PTPRN2: variants seen among roughly 807,000 people sequenced by gnomAD.
PTPRN2 encodes protein tyrosine phosphatase receptor type N2, also known as receptor-type tyrosine-protein phosphatase N2.
Under a neutral mutation model 118.8 loss-of-function variants are expected in PTPRN2, and 74 were observed. The observed-to-expected ratio is 0.62, with a 90% confidence interval of 0.52 to 0.76. The LOEUF (loss-of-function observed/expected upper bound fraction) is 0.76, where lower values mean the gene tolerates loss of function less well. Ranked by LOEUF, PTPRN2 falls within the 30% of genes least tolerant of loss-of-function variation. The pLI, the probability that PTPRN2 is intolerant of heterozygous loss-of-function variation, is 0.00. For missense variants in PTPRN2, 1,481 were observed against 1,394.4 expected (o/e 1.06, Z -0.99); for synonymous variants, 641 against 608.0 (o/e 1.05, Z -0.80).
chr7:158,573,915 T>C (rs895681965), intron 1 of PTPRN2, among the ~76,000 whole-genome samples: 4 of 152,200 alleles, frequency 2.6e-5, no homozygotes, highest in Non-Finnish European at 4.4e-5. Context: ...AAGAGATTTA[T>C]GGATTAGGTG....
chr7:158,213,915 A>G (rs767492323), intron 3 of PTPRN2, among the ~76,000 whole-genome samples: 9 of 152,176 alleles, frequency 5.9e-5, no homozygotes, highest in African/African-American at 1.2e-4. Flanking sequence ...TAAAAATCAT[A>G]TAAGTCTGAG....
chr7:157,914,204 T>A (rs893203762), intron 11 of PTPRN2, among the ~76,000 whole-genome samples: 5 of 152,190 alleles, frequency 3.3e-5, no homozygotes, highest in Non-Finnish European at 7.3e-5. Context: ...TTTTGTAAGC[T>A]TTTTTTAAAA....
chr7:158,018,918 C>T (rs982738637), intron 11 of PTPRN2, among the ~76,000 whole-genome samples: 4 of 138,050 alleles, frequency 2.9e-5, no homozygotes, highest in South Asian at 2.2e-4. Flanking sequence ...CGAGATCATG[C>T]GACTGCACTC....
chr7:157,876,116 A>C (rs899927812), intron 12 of PTPRN2, among the ~76,000 whole-genome samples: 1 of 152,200 alleles, frequency 6.6e-6, no homozygotes, highest in African/African-American at 2.4e-5. Flanking sequence ...GACTCCTTGC[A>C]AACAATGCAG....
intron 14 of PTPRN2, 51 bp from the exon 15 acceptor site, chr7:157,621,560 C>A: frequency 6.3e-7 from 1 of 1,598,064 alleles, no homozygotes; most frequent in Non-Finnish European, 8.5e-7. Flanking sequence ...GAGCCCAGAC[C>A]GGCAGATGCA....
intron 12 of PTPRN2, among the ~76,000 whole-genome samples, chr7:157,882,520 T>C (rs573860580): frequency 1.4e-5 from 2 of 142,854 alleles, no homozygotes; most frequent in East Asian, 4.2e-4. Flanking sequence ...AAAATGACTG[T>C]CAAAGACCAG....
chr7:158,414,154 C>G (rs148949673), intron 2 of PTPRN2, among the ~76,000 whole-genome samples: 3 of 151,454 alleles, frequency 2.0e-5, no homozygotes, highest in East Asian at 1.9e-4. Context: ...AATCCTCTAC[C>G]AAGTGAGTAC....
At chr7:157,649,475 C>T (rs1441438671) in intron 14 of PTPRN2, among the ~76,000 whole-genome samples, 5 of 143,626 alleles carry the variant, frequency 3.5e-5, no homozygotes, top group South Asian at 2.2e-4. Context: ...GCACTGAACT[C>T]GGTGGGTCGG....
intron 9 of PTPRN2, among the ~76,000 whole-genome samples, chr7:158,120,283 C>T (rs1346088945): frequency 1.3e-5 from 2 of 152,094 alleles, no homozygotes; most frequent in Middle Eastern, 6.4e-3. Context: ...TGCACAATAG[C>T]ACAAATGTTA....
intron 6 of PTPRN2, among the ~76,000 whole-genome samples, chr7:158,140,099 T>G (rs1819234444): frequency 6.6e-6 from 1 of 152,174 alleles, no homozygotes; most frequent in Non-Finnish European, 1.5e-5. Context: ...TTTTCTCCTC[T>G]TACTTTATCT....
chr7:157,922,759 G>A lies in PTPRN2; in HGVS notation c.1724-24022C>T, dbSNP rs1487172925. 4.6e-5 allele frequency among the ~76,000 whole-genome samples: 7 copies of A among 152,284 alleles called. No homozygotes were observed. The East Asian group carries it at 7.7e-4, about 17-fold the overall frequency. ...CGATGTCACGGCACGCTGCGGCACC[G>A]CTGAAACCAGCCTGAGTTGGGAAAA... On this transcript the variant is annotated intron_variant, in intron 11 of 22. Transcript: ENST00000389418.
chr7:157,776,963 C>A (rs1454948798), intron 12 of PTPRN2, among the ~76,000 whole-genome samples: 1 of 142,096 alleles, frequency 7.0e-6, no homozygotes, highest in Non-Finnish European at 1.5e-5. Flanking sequence ...CCCTCTCCTC[C>A]TCCTCCATCT....
At chr7:158,567,507 C>T (rs546638386) in intron 1 of PTPRN2, among the ~76,000 whole-genome samples, 2 of 152,338 alleles carry the variant, frequency 1.3e-5, no homozygotes, top group South Asian at 2.1e-4. Flanking sequence ...TGCAGACCTC[C>T]GGCTCCCACT....
Position 157,874,870 on chromosome 7 carries a change from C to A in PTPRN2, c.1788+23803G>T, listed in dbSNP as rs1795635343. Among the ~76,000 whole-genome samples, 1 of 151,954 alleles carries A rather than the reference C, an allele frequency of 6.6e-6. No homozygotes were observed. The highest frequency in any genetic ancestry group is 2.1e-4 in the South Asian group (1 of 4,818). ...ATATACACACGGAGACACACTCGTG[C>A]ACATACACACACGGAGACACACTCG... On this transcript the variant is annotated intron_variant, in intron 12 of 22. Coordinates refer to ENST00000389418, the MANE Select transcript of PTPRN2 (RefSeq NM_002847.5). The surrounding 1 kb of genome is among the most constrained non-coding windows in gnomAD (Gnocchi z 5.8).
At chr7:158,094,806 A>G (rs1364602776) in intron 10 of PTPRN2, among the ~76,000 whole-genome samples, 1 of 152,050 alleles carries the variant, frequency 6.6e-6, no homozygotes, top group Non-Finnish European at 1.5e-5. Flanking sequence ...GAAAGGTGAG[A>G]ACTCCTCCCC....
At chr7:157,601,134 A>T (rs1314138296) in intron 16 of PTPRN2, among the ~76,000 whole-genome samples, 1 of 152,190 alleles carries the variant, frequency 6.6e-6, no homozygotes, top group African/African-American at 2.4e-5. Context: ...AATGTAGCTC[A>T]TGGGTTTCTC....
At chr7:158,402,907 G>A (rs147775052) in intron 2 of PTPRN2, among the ~76,000 whole-genome samples, 1 of 152,268 alleles carries the variant, frequency 6.6e-6, no homozygotes, top group East Asian at 1.9e-4. Flanking sequence ...GGGGTGCAGG[G>A]GCAGCAGGTC....
intron 6 of PTPRN2, among the ~76,000 whole-genome samples, chr7:158,145,520 G>A (rs1199819124): frequency 6.6e-6 from 1 of 152,212 alleles, no homozygotes; most frequent in Non-Finnish European, 1.5e-5. Context: ...AGAAACTGAG[G>A]CTCCATGGTG....
intron 12 of PTPRN2, among the ~76,000 whole-genome samples, chr7:157,894,772 T>C (rs549952816): frequency 6.6e-6 from 1 of 152,228 alleles, no homozygotes; most frequent in South Asian, 2.1e-4. Context: ...TCCCTCAAGA[T>C]TGAAGCCCAG....
Sources: allele counts gnomAD v4.1 joint callset (sites outside exome capture counted in the v4.1 genomes callset), GRCh38; gene constraint gnomAD v4.1.1; non-coding constraint Gnocchi (gnomAD v3.1); transcripts MANE v1.5; gene names NCBI Gene and HGNC (gene_info 2026-07-23, HGNC 2026-07-21).